Variants in KRT77 observed in about 807,000 individuals in gnomAD.
KRT77 encodes the protein keratin 77, also known as keratin, type II cytoskeletal 1b.
KRT77 carries 44 observed loss-of-function variants against 51.5 expected under a neutral mutation model. The observed-to-expected ratio is 0.85, with a 90% CI of 0.67 to 1.10. The LOEUF (loss-of-function observed/expected upper bound fraction) is 1.10, where lower values mean the gene tolerates loss of function less well. Among genes scored for constraint, KRT77 ranks in the 50% least tolerant of loss-of-function variants. The pLI is 0.00. For synonymous variants in KRT77, 293 were observed against 302.0 expected (o/e 0.97, Z 0.31); for missense variants, 763 against 743.9 (o/e 1.03, Z -0.30).
rs142147928 is a variant in KRT77 at position 52,697,701 on chromosome 12, C to G, written c.739G>C (p.Val247Leu). The G allele has an allele frequency of 1.2e-6, 2 of 1,613,036 alleles. No individual in the cohort carries two copies. The highest frequency in any genetic ancestry group is 1.7e-6 in the Non-Finnish European group (2 of 1,179,458). The change falls in exon 2 of 9, where the codon GTG (valine) becomes CTG (leucine). Residue 247 changes from valine (V) to leucine (L), a missense_variant. Val to Leu is a conservative substitution (Grantham distance 32). Coordinates refer to ENST00000341809, the MANE Select transcript of KRT77 (RefSeq NM_175078.3). ...NAEVRSMQDV[V>L]EDYKSKYEDE... is the part of the protein sequence containing the mutation. ...TCTCACTTGCTCTTGTAGTCCTCCACGACATCCTGCATGCTCCTGACCTCC... is the reference window on the plus strand; with the variant it reads ...TCTCACTTGCTCTTGTAGTCCTCCAGGACATCCTGCATGCTCCTGACCTCC...
intron 4 of KRT77, 136 bp from the exon 5 acceptor site, chr12:52,694,926 G>A: frequency 1.4e-6 from 1 of 726,802 alleles, no homozygotes. Context: ...TCTTGGAATT[G>A]TTGTGTGCAA....
chr12:52,695,533 A>C (rs1941781984), intron 4 of KRT77, among the ~76,000 whole-genome samples: 1 of 152,182 alleles, frequency 6.6e-6, no homozygotes, highest in Non-Finnish European at 1.5e-5. Context: ...AACCAGGGAC[A>C]CATTCGCCTC....
Position 52,695,776 on chromosome 12 carries a change from A to T in KRT77, c.911T>A (p.Leu304Ter). The T allele has an allele frequency of 6.2e-7, 1 of 1,610,134 alleles. No individual in the cohort carries two copies. The highest frequency in any genetic ancestry group is 8.5e-7 in the Non-Finnish European group (1 of 1,176,368). The change falls in exon 4 of 9, where the codon TTG becomes TAG. Residue 304 changes from leucine to a stop codon, truncating the protein, a stop_gained. Coordinates refer to ENST00000341809, the MANE Select transcript of KRT77 (RefSeq NM_175078.3). LOFTEE classifies it high-confidence loss of function. ...GEVNFLKYLFLTELSQVQTHI... is the reference protein window; with the variant it reads ...GEVNFLKYLF ...TCTTATAAAGGCTTAACTCACCGTCAAAAATAAATATTTCAAGAAATTGAC... is the reference window on the plus strand; with the variant it reads ...TCTTATAAAGGCTTAACTCACCGTCTAAAATAAATATTTCAAGAAATTGAC...
At chr12:52,696,333 G>A (rs1413102460) in intron 3 of KRT77, 37 bp downstream of exon 3, 2 of 1,603,212 alleles carry the variant, frequency 1.2e-6, no homozygotes, top group Admixed American at 1.7e-5. Context: ...CAGCCTCCTG[G>A]GTCCACAGCC....
At chr12:52,699,884 A>G (rs1017524857) in intron 1 of KRT77, among the ~76,000 whole-genome samples, 7 of 152,194 alleles carry the variant, frequency 4.6e-5, no homozygotes, top group Admixed American at 2.0e-4. Flanking sequence ...GGACCCATGG[A>G]CACACAATGC....
At chr12:52,700,091 C>T (rs1172396671) in intron 1 of KRT77, among the ~76,000 whole-genome samples, 2 of 152,194 alleles carry the variant, frequency 1.3e-5, no homozygotes, top group African/African-American at 2.4e-5. Context: ...GTCCCCTTGT[C>T]ATTGGTTCTA....
At chr12:52,698,046 G>C in intron 1 of KRT77, 150 bp from the exon 2 acceptor site, 1 of 1,420,480 alleles carries the variant, frequency 7.0e-7, no homozygotes, top group Non-Finnish European at 9.5e-7. Flanking sequence ...TCTCGGGATT[G>C]AGACACACAG....
chr12:52,701,829 T>C (rs1941890557), intron 1 of KRT77, among the ~76,000 whole-genome samples: 2 of 152,152 alleles, frequency 1.3e-5, no homozygotes, highest in Admixed American at 1.3e-4. Flanking sequence ...GAACCCTACA[T>C]TGCATGCTAT....
chr12:52,694,853 T>A, intron 4 of KRT77, 63 bp from the exon 5 acceptor site: 1 of 1,417,784 alleles, frequency 7.1e-7, no homozygotes. Context: ...AGTTTTCCTC[T>A]GCTGCTCCCT....
chr12:52,698,204 G>A (rs1045160941), intron 1 of KRT77: 38 of 1,265,216 alleles, frequency 3.0e-5, no homozygotes, highest in East Asian at 9.8e-5. Flanking sequence ...CCATGCCAAC[G>A]TAAGGAAATG....
At chr12:52,701,898 T>C (rs1941891383) in intron 1 of KRT77, among the ~76,000 whole-genome samples, 1 of 152,180 alleles carries the variant, frequency 6.6e-6, no homozygotes, top group Non-Finnish European at 1.5e-5. Flanking sequence ...TGCCTGCTTC[T>C]CCTGCCCTGG....
chr12:52,693,386 A>C, intron 5 of KRT77: 2 of 153,512 alleles, frequency 1.3e-5, no homozygotes, highest in Non-Finnish European at 2.9e-5. Context: ...TCAGAACTCC[A>C]CCCCCAGGAC....
In KRT77 at chr12:52,697,787, T is replaced by C. The variant is rs1341471838; in HGVS notation, c.653A>G (p.Tyr218Cys). The change falls in exon 2 of 9, where the codon TAC (tyrosine) becomes TGC (cysteine). Residue 218 changes from tyrosine to cysteine, a missense_variant. Coordinates refer to ENST00000341809, the MANE Select transcript of KRT77 (RefSeq NM_175078.3). Reference protein sequence around the residue: ...TNNLEPLLENYIGDLRRQVDL... With the variant: ...TNNLEPLLENCIGDLRRQVDL... ...CACCTGCCTCCGCAGGTCACCGATGTAGTTCTCCAAGAGGGGCTCCAGGTT... is the reference window on the plus strand; with the variant it reads ...CACCTGCCTCCGCAGGTCACCGATGCAGTTCTCCAAGAGGGGCTCCAGGTT... The C allele has an allele frequency of 1.9e-6, 3 of 1,614,072 alleles. No individual in the cohort carries two copies. The highest frequency in any genetic ancestry group is 2.2e-5 in the South Asian group (2 of 91,072).
intron 7 of KRT77, 90 bp downstream of exon 7, chr12:52,692,331 T>C: frequency 7.0e-7 from 1 of 1,427,808 alleles, no homozygotes; most frequent in Non-Finnish European, 9.6e-7. Context: ...CCCAAAAAGG[T>C]GGGGCTTATC....
intron 2 of KRT77, 167 bp from the exon 3 acceptor site, chr12:52,696,597 T>C: frequency 1.6e-6 from 1 of 643,188 alleles, no homozygotes; most frequent in Non-Finnish European, 2.8e-6. Flanking sequence ...GGCACTCTCA[T>C]GGATGAGGGC....
In KRT77 at chr12:52,692,669, T is replaced by C; in HGVS notation, c.1207-28A>G. 3 of 1,583,314 alleles carry C rather than the reference T, an allele frequency of 1.9e-6. 1 individual carries two copies. The highest frequency in any genetic ancestry group is 2.6e-6 in the Non-Finnish European group (3 of 1,155,626). On this transcript the variant is annotated intron_variant, in intron 6 of 8. Coordinates refer to ENST00000341809, the MANE Select transcript of KRT77 (RefSeq NM_175078.3). ...GCTCCAGAGACAGTTGGAGACCATTTAATGGTTAAGTTTCCAGAGCTCGAT... is the reference window on the plus strand; with the variant it reads ...GCTCCAGAGACAGTTGGAGACCATTCAATGGTTAAGTTTCCAGAGCTCGAT...
Position 52,697,721 on chromosome 12 carries a change from A to G in KRT77, c.719T>C (p.Val240Ala). The G allele has an allele frequency of 6.2e-7, 1 of 1,613,372 alleles. No homozygotes were observed. The highest frequency in any genetic ancestry group is 8.5e-7 in the Non-Finnish European group (1 of 1,179,792). ...SAEQMRQNAEVRSMQDVVEDY... is the reference protein window; with the variant it reads ...SAEQMRQNAEARSMQDVVEDY... ...CTCCACGACATCCTGCATGCTCCTGACCTCCGCGTTCTGGCGCATCTGCTC... is the reference window on the plus strand; with the variant it reads ...CTCCACGACATCCTGCATGCTCCTGGCCTCCGCGTTCTGGCGCATCTGCTC... The change falls in exon 2 of 9, where the codon GTC becomes GCC. Residue 240 changes from valine (V) to alanine (A), a missense_variant. Coordinates refer to ENST00000341809, the MANE Select transcript of KRT77 (RefSeq NM_175078.3).
At chr12:52,696,014 CA>C (rs1424665086) in intron 3 of KRT77, 147 bp from the exon 4 acceptor site, 3 of 640,004 alleles carry the variant, frequency 4.7e-6, no homozygotes, top group African/African-American at 3.7e-5. Flanking sequence ...AAGGGACCCA[CA>C]AGTCCTGGCT....
chr12:52,692,398 A>G (rs200866068), intron 7 of KRT77, 23 bp downstream of exon 7: 7 of 1,612,874 alleles, frequency 4.3e-6, no homozygotes, highest in African/African-American at 1.3e-5. Context: ...CCTTAGCCCC[A>G]GAAACACAGC....
Sources: gnomAD v4.1 joint callset for allele counts (sites outside exome capture counted in the v4.1 genomes callset) on GRCh38, gnomAD v4.1.1 for gene constraint, MANE v1.5 for transcripts, NCBI Gene and HGNC (gene_info 2026-07-23, HGNC 2026-07-21) for gene names.